The following MTTP variants were observed in gnomAD, a reference collection of about 807,000 sequenced individuals.
The protein encoded by MTTP is microsomal triglyceride transfer protein.
A neutral mutation model predicts 90.6 loss-of-function variants in MTTP; 49 were observed. The ratio of observed to expected loss-of-function variants is 0.54; its 90% CI spans 0.43 to 0.69. The LOEUF (loss-of-function observed/expected upper bound fraction) is 0.69, where lower values mean the gene tolerates loss of function less well. Among genes scored for constraint, MTTP ranks in the 30% least tolerant of loss-of-function variants. The pLI, the probability that MTTP is intolerant of heterozygous loss-of-function variation, is 0.00. For synonymous variants in MTTP, 347 were observed against 384.2 expected (o/e 0.90, Z 1.13); for missense variants, 945 against 1,067.5 (o/e 0.89, Z 1.60).
At chr4:99,584,560 A>ATTT (rs1560615049) in intron 3 of MTTP, among the ~76,000 whole-genome samples, 2 of 150,188 alleles carry the variant, frequency 1.3e-5, no homozygotes, top group Admixed American at 1.3e-4. Flanking sequence ...CACCTCGCCT[A>ATTT]CAACCAAATA....
intron 4 of MTTP, 117 bp downstream of exon 4, chr4:99,589,867 G>A (rs1282101110): frequency 4.0e-6 from 3 of 745,426 alleles, no homozygotes; most frequent in Non-Finnish European, 7.0e-6. Context: ...GGTGACTTGT[G>A]TAGTGAAGTC....
chr4:99,577,185 A>G (rs376483730), intron 1 of MTTP, among the ~76,000 whole-genome samples: 19 of 152,334 alleles, frequency 1.2e-4, no homozygotes, highest in African/African-American at 4.6e-4. Context: ...AGTTTACCTT[A>G]AAATCAGTCC....
intron 7 of MTTP, among the ~76,000 whole-genome samples, 156 bp downstream of exon 7, chr4:99,595,039 C>T (rs1219383599): frequency 6.6e-6 from 1 of 152,212 alleles, no homozygotes; most frequent in Admixed American, 6.5e-5. Flanking sequence ...ATGCACCTGA[C>T]ATAGTGCATG....
chr4:99,602,443 C>T (rs572736562), intron 10 of MTTP, among the ~76,000 whole-genome samples: 3 of 151,994 alleles, frequency 2.0e-5, no homozygotes, highest in Middle Eastern at 6.8e-3. Context: ...TTTTTTCTGT[C>T]CACATTATAC....
At chr4:99,616,770 T>A (rs1475105669) in intron 15 of MTTP, among the ~76,000 whole-genome samples, 1 of 152,154 alleles carries the variant, frequency 6.6e-6, no homozygotes, top group African/African-American at 2.4e-5. Flanking sequence ...TGTAAGGAAG[T>A]AGAATTTTCC....
chr4:99,577,198 T>G (rs1724984309), intron 1 of MTTP, among the ~76,000 whole-genome samples: 1 of 152,106 alleles, frequency 6.6e-6, no homozygotes, highest in Non-Finnish European at 1.5e-5. Flanking sequence ...ATCAGTCCAT[T>G]TAAAATTTGG....
intron 6 of MTTP, among the ~76,000 whole-genome samples, chr4:99,593,774 T>C (rs1264733699): frequency 6.6e-6 from 1 of 152,192 alleles, no homozygotes; most frequent in Non-Finnish European, 1.5e-5. Flanking sequence ...CTACTTCATA[T>C]ACTACTGGTA....
chr4:99,586,515 G>A (rs939371064), intron 3 of MTTP, among the ~76,000 whole-genome samples: 11 of 152,120 alleles, frequency 7.2e-5, no homozygotes, highest in African/African-American at 2.4e-4. Context: ...CATGGCTCTT[G>A]TACACACACT....
At chr4:99,572,418 T>C (rs952176209), upstream of MTTP, among the ~76,000 whole-genome samples, 4 of 151,944 alleles carry the variant, frequency 2.6e-5, no homozygotes, top group African/African-American at 4.8e-5. Context: ...CTGTAAGAAA[T>C]CAATTTTTTT....
At chr4:99,598,561 G>A (rs920524212) in intron 8 of MTTP, among the ~76,000 whole-genome samples, 4 of 148,572 alleles carry the variant, frequency 2.7e-5, no homozygotes, top group African/African-American at 9.9e-5. Flanking sequence ...CACATGTAGT[G>A]TAGTGTAATA....
In MTTP at chr4:99,613,064, T is replaced by A. The variant is rs906693684; in HGVS notation, c.2141T>A (p.Met714Lys). The A allele has an allele frequency of 8.1e-6, 13 of 1,613,984 alleles. No individual in the cohort carries two copies. In the Admixed American group the frequency reaches 2.2e-4, roughly 27 times the overall value. Residue 714 changes from methionine to lysine, a missense_variant, in exon 15 of 18, where the codon ATG (methionine) becomes AAG (lysine). Met to Lys is a moderately conservative substitution (Grantham distance 95). Transcript: ENST00000265517. Reference sequence around the variant, plus strand: ...TTTTTCAACGGATACAGTGATTTGATGTCCAAAATGCTGTCAGCATCTGGC... The same window carrying A: ...TTTTTCAACGGATACAGTGATTTGAAGTCCAAAATGCTGTCAGCATCTGGC... ...VTFFNGYSDL[M>K]SKMLSASGDP...
Position 99,611,344 on chromosome 4 carries a change from C to A in MTTP, c.1880C>A (p.Ser627Ter), listed in dbSNP as rs142200287. The change falls in exon 14 of 18, where the codon TCG (serine) becomes TAG (stop). Residue 627 changes from serine to a stop codon, truncating the protein, a stop_gained. Coordinates refer to ENST00000265517, the MANE Select transcript of MTTP (RefSeq NM_001386140.1). LOFTEE classifies it high-confidence loss of function. The part of the protein sequence containing the change: ...YTGYIERSPR[S>*]ASTYSLDILY... ...TGTGTGTCATCAGGTAGTCCCCGTTCGGCATCTACTTACAGCCTAGACATT... is the reference window on the plus strand; with the variant it reads ...TGTGTGTCATCAGGTAGTCCCCGTTAGGCATCTACTTACAGCCTAGACATT... The A allele has an allele frequency of 1.2e-6, 2 of 1,614,000 alleles. No individual in the cohort carries two copies. The highest frequency in any genetic ancestry group is 1.7e-6 in the Non-Finnish European group (2 of 1,179,926).
chr4:99,580,644 A>G (rs1725084536), intron 1 of MTTP, among the ~76,000 whole-genome samples: 5 of 151,334 alleles, frequency 3.3e-5, no homozygotes, highest in Admixed American at 3.3e-4. Flanking sequence ...CCTTAGGTAA[A>G]TTATATAGTT....
intron 16 of MTTP, among the ~76,000 whole-genome samples, chr4:99,620,129 A>G (rs1375305789): frequency 6.6e-6 from 1 of 152,212 alleles, no homozygotes; most frequent in Non-Finnish European, 1.5e-5. Flanking sequence ...TGTTCATTTG[A>G]AAAAAATATC....
chr4:99,586,471 T>C (rs1725261440), intron 3 of MTTP, among the ~76,000 whole-genome samples: 1 of 152,136 alleles, frequency 6.6e-6, no homozygotes, highest in African/African-American at 2.4e-5. Flanking sequence ...TTATTTTGTA[T>C]TGTTTCCGGG....
At chr4:99,597,249 G>T (rs199895962) in intron 8 of MTTP, 25 bp downstream of exon 8, 36 of 1,610,096 alleles carry the variant, frequency 2.2e-5, no homozygotes, top group Non-Finnish European at 2.9e-5. Context: ...CTTTGTGTGG[G>T]GTTGTCTGTC....
At chr4:99,616,975 G>T (rs1219029590) in intron 15 of MTTP, among the ~76,000 whole-genome samples, 1 of 152,142 alleles carries the variant, frequency 6.6e-6, no homozygotes, top group African/African-American at 2.4e-5. Flanking sequence ...GGATGAACAA[G>T]ATTATAATTT....
At chr4:99,564,437 TTCACAATAAAATGCATTTAAATTTAGAA>T in intron 1 of MTTP, 1 of 551,388 alleles carries the variant, frequency 1.8e-6, no homozygotes, top group Non-Finnish European at 3.1e-6. Flanking sequence ...GTGAGTCAGA[TTCACAATAAAATGCATTTAAATTTAGAA>T]TCTGTAAGGC....
chr4:99,622,319 G>A (rs1349397194), intron 17 of MTTP, among the ~76,000 whole-genome samples: 1 of 152,102 alleles, frequency 6.6e-6, no homozygotes, highest in Admixed American at 6.6e-5. Context: ...AATCCAGCTG[G>A]GCTTGCCTGT....
Sources: gnomAD v4.1 joint callset for allele counts (sites outside exome capture counted in the v4.1 genomes callset) on GRCh38, gnomAD v4.1.1 for gene constraint, MANE v1.5 for transcripts, NCBI Gene and HGNC (gene_info 2026-07-23, HGNC 2026-07-21) for gene names.